Variants in SH3RF3 observed in about 807,000 individuals in gnomAD.
SH3RF3 encodes E3 ubiquitin-protein ligase SH3RF3.
In SH3RF3, 29 loss-of-function variants were observed where a neutral mutation model predicts 66.3. That is an observed-to-expected ratio of 0.44 (90% CI 0.33 to 0.60). The LOEUF is 0.60. Among genes scored for constraint, SH3RF3 ranks in the 20% least tolerant of loss-of-function variants. SH3RF3 has a pLI of 0.04. For missense variants in SH3RF3, 1,194 were observed against 1,190.9 expected (o/e 1.00, Z -0.04); for synonymous variants, 583 against 532.0 (o/e 1.10, Z -1.32).
chr2:109,393,254 A>G (rs558219712), intron 3 of SH3RF3, among the ~76,000 whole-genome samples: 3 of 152,332 alleles, frequency 2.0e-5, no homozygotes, highest in Admixed American at 6.5e-5. Flanking sequence ...AGTCTCTGGA[A>G]CATGTGAGTC....
intron 2 of SH3RF3, 71 bp from the exon 3 acceptor site, chr2:109,371,515 C>T: frequency 7.6e-7 from 1 of 1,309,198 alleles, no homozygotes; most frequent in East Asian, 2.4e-5. Context: ...CAGTACTAAC[C>T]AGTGTCTTGC....
intron 4 of SH3RF3, among the ~76,000 whole-genome samples, chr2:109,405,350 G>A (rs916994413): frequency 3.9e-5 from 6 of 152,006 alleles, no homozygotes; most frequent in East Asian, 1.9e-4. Context: ...AATACCCTTC[G>A]TCTTCCCCAA....
intron 7 of SH3RF3, among the ~76,000 whole-genome samples, chr2:109,443,271 G>T (rs762101024): frequency 6.6e-6 from 1 of 152,236 alleles, no homozygotes; most frequent in Non-Finnish European, 1.5e-5. Context: ...ATTAACAGGT[G>T]CCAGAGCTGG....
intron 1 of SH3RF3, among the ~76,000 whole-genome samples, chr2:109,306,942 T>C (rs1681611843): frequency 6.6e-6 from 1 of 152,216 alleles, no homozygotes; most frequent in African/African-American, 2.4e-5. Context: ...GATGGTGTGC[T>C]ATGGAGGTGT....
intron 7 of SH3RF3, among the ~76,000 whole-genome samples, chr2:109,439,203 C>A (rs1054784937): frequency 4.6e-5 from 7 of 152,150 alleles, no homozygotes; most frequent in African/African-American, 1.7e-4. Context: ...ACCATAGTAA[C>A]CATGAGGGTG....
chr2:109,371,657 G>T lies in SH3RF3; in HGVS notation c.921G>T (p.Gly307=), dbSNP rs750527573. The T allele has an allele frequency of 1.2e-6, 2 of 1,613,964 alleles. No individual in the cohort carries two copies. Among genetic ancestry groups the T allele is most frequent in the Non-Finnish European group, 1.7e-6 (2 of 1,179,900 alleles). Reference sequence around the variant, plus strand: ...AAGGCATGCTGGGAGACAAGATCGGGATCTTCCCGCTCCTGTACGTGGAGG... The same window carrying T: ...AAGGCATGCTGGGAGACAAGATCGGTATCTTCCCGCTCCTGTACGTGGAGG... ...WAEGMLGDKI[G]IFPLLYVELN... is the part of the protein sequence containing the mutation. Residue 307 remains glycine, a synonymous_variant, in exon 3 of 10, where the codon GGG becomes GGT. Coordinates refer to ENST00000309415, the MANE Select transcript of SH3RF3 (RefSeq NM_001099289.3).
At chr2:109,293,924 A>C (rs1465299070) in intron 1 of SH3RF3, among the ~76,000 whole-genome samples, 1 of 152,258 alleles carries the variant, frequency 6.6e-6, no homozygotes, top group South Asian at 2.1e-4. Flanking sequence ...CTCTTTACCA[A>C]TGGCCGGCGC....
chr2:109,136,216 T>G (rs989299163), intron 1 of SH3RF3, among the ~76,000 whole-genome samples: 2 of 151,076 alleles, frequency 1.3e-5, no homozygotes, highest in Admixed American at 6.6e-5. Flanking sequence ...TGATCTTTTT[T>G]GAGGTGCATT....
intron 5 of SH3RF3, among the ~76,000 whole-genome samples, chr2:109,431,745 C>A (rs920111974): frequency 2.0e-5 from 3 of 152,288 alleles, no homozygotes; most frequent in East Asian, 1.9e-4. Context: ...GCGGTGCACA[C>A]CTGTGGTCCC....
chr2:109,347,999 C>T, intron 2 of SH3RF3, 50 bp downstream of exon 2: 2 of 1,544,770 alleles, frequency 1.3e-6, no homozygotes, highest in Non-Finnish European at 1.7e-6. Flanking sequence ...GCCTCTGTGC[C>T]ACCCAGGGCT....
intron 9 of SH3RF3, among the ~76,000 whole-genome samples, chr2:109,491,631 G>C (rs544484702): frequency 6.6e-6 from 1 of 152,286 alleles, no homozygotes; most frequent in African/African-American, 2.4e-5. Flanking sequence ...AGGCGTACCT[G>C]GCTTGGATCC....
At chr2:109,221,350 A>G (rs189439458) in intron 1 of SH3RF3, among the ~76,000 whole-genome samples, 1 of 152,306 alleles carries the variant, frequency 6.6e-6, no homozygotes, top group Admixed American at 6.5e-5. Flanking sequence ...TGGGAGGCTG[A>G]GACAGGCAGA....
At chr2:109,500,954 A>C (rs1679369928) in intron 9 of SH3RF3, among the ~76,000 whole-genome samples, 1 of 152,172 alleles carries the variant, frequency 6.6e-6, no homozygotes, top group South Asian at 2.1e-4. Flanking sequence ...TGTCTCAAAA[A>C]AATAAGGACA....
intron 8 of SH3RF3, among the ~76,000 whole-genome samples, chr2:109,466,087 T>TTG (rs1678337329): frequency 7.1e-6 from 1 of 141,468 alleles, no homozygotes; most frequent in East Asian, 2.0e-4. Context: ...TTTTTTTTTT[T>TTG]TTTTTTTTTT....
chr2:109,437,217 A>G (rs1677430714), intron 7 of SH3RF3, 71 bp downstream of exon 7: 3 of 1,516,402 alleles, frequency 2.0e-6, no homozygotes, highest in Non-Finnish European at 2.7e-6. Flanking sequence ...TGTGAGACAC[A>G]TCTTGGCCCA....
chr2:109,439,742 C>T (rs1293056518), intron 7 of SH3RF3, among the ~76,000 whole-genome samples: 2 of 151,940 alleles, frequency 1.3e-5, no homozygotes, highest in African/African-American at 2.4e-5. Context: ...AAAAAAGCAC[C>T]GAGAAGGAGC....
intron 1 of SH3RF3, among the ~76,000 whole-genome samples, chr2:109,241,851 C>T (rs918875171): frequency 1.3e-5 from 2 of 151,644 alleles, no homozygotes; most frequent in Non-Finnish European, 2.9e-5. Flanking sequence ...CTGCAAGCTC[C>T]GCCTCCCGGG....
At chr2:109,272,026 T>C (rs111876432) in intron 1 of SH3RF3, among the ~76,000 whole-genome samples, 3 of 152,316 alleles carry the variant, frequency 2.0e-5, no homozygotes, top group African/African-American at 7.2e-5. Flanking sequence ...ATCTTGACAC[T>C]GAGTGACATT....
intron 1 of SH3RF3, among the ~76,000 whole-genome samples, chr2:109,346,192 T>A (rs1019699537): frequency 2.0e-4 from 30 of 152,214 alleles, no homozygotes; most frequent in African/African-American, 7.0e-4. Flanking sequence ...ATTTTTTTTT[T>A]CTCTTCGAGT....
Sources: gnomAD v4.1 joint callset for allele counts (sites outside exome capture counted in the v4.1 genomes callset) on GRCh38, gnomAD v4.1.1 for gene constraint, MANE v1.5 for transcripts, NCBI Gene and HGNC (gene_info 2026-07-23, HGNC 2026-07-21) for gene names.